Variants in MPP1 observed in about 807,000 individuals in gnomAD.
The protein encoded by MPP1 is MAGUK p55 scaffold protein 1.
MPP1 carries 6 observed loss-of-function variants against 38.2 expected under a neutral mutation model. That is an observed-to-expected ratio of 0.16 (90% confidence interval 0.09 to 0.31). MPP1 has a LOEUF of 0.31. Among genes scored for constraint, MPP1 ranks in the 10% least tolerant of loss-of-function variants. The pLI is 1.00. For missense variants in MPP1, 293 were observed against 368.9 expected (o/e 0.79, Z 1.69); for synonymous variants, 153 against 146.3 (o/e 1.05, Z -0.33).
intron 11 of MPP1, among the ~76,000 whole-genome samples, chrX:154,780,839 A>G (rs1168861099): frequency 9.0e-6 from 1 of 110,932 alleles, no homozygotes; most frequent in East Asian, 2.8e-4. Flanking sequence ...AGGCTTTTTG[A>G]TATATTCCTG....
At chrX:154,798,922 T>C (rs1407573646) in intron 1 of MPP1, among the ~76,000 whole-genome samples, 9 of 110,490 alleles carry the variant, frequency 8.1e-5, no homozygotes, top group Non-Finnish European at 1.5e-4. Flanking sequence ...TTTGTAGAGA[T>C]GGGGTTTCTC....
At chrX:154,801,776 A>C (rs1603430391) in intron 1 of MPP1, among the ~76,000 whole-genome samples, 1 of 87,662 alleles carries the variant, frequency 1.1e-5, no homozygotes, top group Non-Finnish European at 2.2e-5. Context: ...AAAAAAAAAA[A>C]AAAAAAAAAA....
intron 7 of MPP1, 24 bp from the exon 8 acceptor site, chrX:154,784,132 G>A: frequency 1.7e-6 from 2 of 1,159,966 alleles, no homozygotes; most frequent in Non-Finnish European, 2.3e-6. Context: ...AAACCAAGCA[G>A]TGTTCATTTC....
chrX:154,799,993 CA>C, intron 1 of MPP1: 1 of 670,887 alleles, frequency 1.5e-6, no homozygotes, highest in Non-Finnish European at 2.2e-6. Context: ...CTAATCCAAA[CA>C]ATTAGATTAA....
intron 5 of MPP1, among the ~76,000 whole-genome samples, chrX:154,786,931 G>A (rs782053351): frequency 9.9e-6 from 1 of 101,236 alleles, no homozygotes; most frequent in East Asian, 3.3e-4. Flanking sequence ...AAGAAGGCAT[G>A]AGATATCTTT....
At chrX:154,779,961 C>T (rs1287211870) in intron 11 of MPP1, among the ~76,000 whole-genome samples, 7 of 112,488 alleles carry the variant, frequency 6.2e-5, no homozygotes, top group Admixed American at 4.6e-4. Flanking sequence ...TCAGGTGATC[C>T]GCCCGCCTCG....
In MPP1 at chrX:154,784,099, T is replaced by G. The variant is rs782799952; in HGVS notation, c.794A>C (p.Gln265Pro). 5.8e-6 allele frequency: 7 copies of G among 1,204,826 alleles called. No individual in the cohort carries two copies. Among genetic ancestry groups the G allele is most frequent in the South Asian group, 1.8e-5 (1 of 56,115 alleles). Residue 265 changes from glutamine (Q) to proline (P), a missense_variant, in exon 8 of 12, where the codon CAG (glutamine) becomes CCG (proline). Transcript: ENST00000369534. ...YLAKHSSIFD[Q>P]LDVVSYEEVV... ...TTCCTCGTAGGAAACAACATCCAAC[T>G]GATCAAAAACTAGAGACAAAGAAAA...
chrX:154,785,254 G>C, intron 6 of MPP1, 97 bp from the exon 7 acceptor site: 2 of 595,809 alleles, frequency 3.4e-6, no homozygotes, highest in Non-Finnish European at 5.0e-6. Flanking sequence ...TTCACTCTCT[G>C]AGTGTCCATT....
At chrX:154,793,631 G>A (rs1339693131) in intron 1 of MPP1, among the ~76,000 whole-genome samples, 1 of 111,510 alleles carries the variant, frequency 9.0e-6, no homozygotes, top group African/African-American at 3.3e-5. Flanking sequence ...TCTTTTTGGC[G>A]CCATTCCAAG....
At chrX:154,794,048 G>A (rs781806632) in intron 1 of MPP1, among the ~76,000 whole-genome samples, 2 of 111,953 alleles carry the variant, frequency 1.8e-5, no homozygotes, top group Non-Finnish European at 3.8e-5. Flanking sequence ...GTTATCATCT[G>A]ATGTTTTTTC....
At chrX:154,786,540 G>C in intron 5 of MPP1, 140 bp from the exon 6 acceptor site, 1 of 560,077 alleles carries the variant, frequency 1.8e-6, no homozygotes, top group East Asian at 3.4e-5. Context: ...ACCCAAGAAA[G>C]AGAAATTGAA....
At chrX:154,784,806 T>C (rs904604817) in intron 7 of MPP1, 2 of 443,547 alleles carry the variant, frequency 4.5e-6, no homozygotes, top group Non-Finnish European at 8.3e-6. Flanking sequence ...TCTACTTCTG[T>C]GTGAGGGGTG....
chrX:154,785,325 C>CAT (rs1557267110), intron 6 of MPP1, among the ~76,000 whole-genome samples, 168 bp from the exon 7 acceptor site: 1 of 108,545 alleles, frequency 9.2e-6, no homozygotes, highest in African/African-American at 3.4e-5. Flanking sequence ...TTGCACTGTG[C>CAT]CCTGCCCTCA....
chrX:154,805,236 G>C (rs1221136569), intron 1 of MPP1, 36 bp downstream of exon 1: 1 of 1,152,460 alleles, frequency 8.7e-7, no homozygotes, highest in Non-Finnish European at 1.2e-6. Context: ...GCCGAGCCCC[G>C]GCCCAGCGCC....
chrX:154,785,076 G>T lies in MPP1; in HGVS notation c.759C>A (p.Asp253Glu), dbSNP rs143193027. The part of the protein sequence containing the change: ...SPFGKKKKYK[D>E]KYLAKHSSIF... ...TCGAGCTGTGCTTGGCCAGATATTT[G>T]TCTTTGTACTTCTTCTTCTTCCCAA... The change falls in exon 7 of 12, where the codon GAC (aspartate) becomes GAA (glutamate). Residue 253 changes from aspartate to glutamate, a missense_variant. Coordinates refer to ENST00000369534, the MANE Select transcript of MPP1 (RefSeq NM_002436.4). 54 of 1,209,515 alleles carry T rather than the reference G, an allele frequency of 4.5e-5. No homozygotes were observed. The highest frequency in any genetic ancestry group is 5.7e-5 in the Non-Finnish European group (51 of 894,834).
chrX:154,778,941 C>T lies in MPP1; in HGVS notation c.*236G>A. 2.7e-6 allele frequency: 1 copy of T among 368,049 alleles called. No individual in the cohort carries two copies. Among genetic ancestry groups the T allele is most frequent in the Admixed American group, 5.1e-5 (1 of 19,654 alleles). 30.3% of individuals were successfully genotyped at this position (368,049 alleles called of 1,213,427 possible). Reference sequence around the variant, plus strand: ...TACATTTTGGTAGTACTTCTTACCCCCAATTTCTAGAAATCCTTTTCAAAT... The same window carrying T: ...TACATTTTGGTAGTACTTCTTACCCTCAATTTCTAGAAATCCTTTTCAAAT... On this transcript the variant is annotated 3_prime_UTR_variant, in exon 12 of 12. Transcript: ENST00000369534.
rs1557267561 is a variant in MPP1 at position 154,789,942 on chromosome X, G to A, written c.480+12C>T. 8.5e-7 allele frequency: 1 copy of A among 1,173,319 alleles called. No homozygotes were observed. The highest frequency in any genetic ancestry group is 2.2e-5 in the Admixed American group (1 of 44,862). ...CTGCCATCATGACAACAGAGAAAAT[G>A]GTGCCACCCACCTGTAGTGCAGGAA... On this transcript the variant is annotated intron_variant, in intron 5 of 11. Transcript: ENST00000369534.
At chrX:154,791,696 G>A (rs1319454829) in intron 3 of MPP1, 73 bp downstream of exon 3, 2 of 953,313 alleles carry the variant, frequency 2.1e-6, no homozygotes, top group Non-Finnish European at 3.0e-6. Context: ...TAAGCTTCAT[G>A]CCCCACACCA....
At chrX:154,798,426 C>A (rs1243270279) in intron 1 of MPP1, among the ~76,000 whole-genome samples, 3 of 112,428 alleles carry the variant, frequency 2.7e-5, no homozygotes, top group East Asian at 5.5e-4. Context: ...CACTTCTCAG[C>A]AATTAAAACA....
Sources: allele counts gnomAD v4.1 joint callset (sites outside exome capture counted in the v4.1 genomes callset), GRCh38; gene constraint gnomAD v4.1.1; transcripts MANE v1.5; gene names NCBI Gene and HGNC (gene_info 2026-07-23, HGNC 2026-07-21).